Variants in UBTD1 observed in about 807,000 individuals in gnomAD.
UBTD1 encodes ubiquitin domain-containing protein 1.
UBTD1 carries 19 observed loss-of-function variants against 21.7 expected under a neutral mutation model. That is an observed-to-expected ratio of 0.87 (90% CI 0.61 to 1.28). UBTD1 has a LOEUF of 1.28. Ranked by LOEUF, UBTD1 falls within the 50% of genes most tolerant of loss-of-function variation. The pLI is 0.00. For synonymous variants in UBTD1, 116 were observed against 135.1 expected (o/e 0.86, Z 0.98); for missense variants, 282 against 315.1 (o/e 0.89, Z 0.80).
chr10:97,531,839 G>A (rs2040533690), intron 1 of UBTD1, among the ~76,000 whole-genome samples: 1 of 152,198 alleles, frequency 6.6e-6, no homozygotes, highest in Non-Finnish European at 1.5e-5. Flanking sequence ...GGTGAGGGCG[G>A]AGCATGAGGA....
intron 1 of UBTD1, among the ~76,000 whole-genome samples, chr10:97,530,504 G>A (rs1461618079): frequency 6.6e-6 from 1 of 152,214 alleles, no homozygotes; most frequent in African/African-American, 2.4e-5. Flanking sequence ...ATATTTATTA[G>A]ATGATTCTGT....
At chr10:97,533,922 CAA>C (rs1162758439) in intron 1 of UBTD1, among the ~76,000 whole-genome samples, 44 of 109,896 alleles carry the variant, frequency 4.0e-4, no homozygotes, top group African/African-American at 5.2e-4. Flanking sequence ...GACTCCATCT[CAA>C]AAAAAAAAAA....
Position 97,570,486 on chromosome 10 carries a change from A to G in UBTD1, c.647A>G (p.Gln216Arg). 1 of 1,610,680 alleles carries G rather than the reference A, an allele frequency of 6.2e-7. No individual in the cohort carries two copies. The highest frequency in any genetic ancestry group is 8.5e-7 in the Non-Finnish European group (1 of 1,178,116). The change falls in exon 3 of 3, where the codon CAG becomes CGG. Residue 216 changes from glutamine to arginine, a missense_variant. Coordinates refer to ENST00000370664, the MANE Select transcript of UBTD1 (RefSeq NM_024954.5). This position sits in a 1 kb window ranked among gnomAD's most constrained non-coding sequence, Gnocchi z 6.6. ...ETKIQKDFVI[Q>R]VIINQPPPPQ... ...AAGATCCAGAAAGATTTTGTCATCC[A>G]GGTCATCATCAACCAGCCCCCACCA...
At chr10:97,508,465 A>T (rs767326646) in intron 1 of UBTD1, among the ~76,000 whole-genome samples, 1 of 152,188 alleles carries the variant, frequency 6.6e-6, no homozygotes, top group Non-Finnish European at 1.5e-5. Context: ...GATGGCCAGG[A>T]AAATGAATGG....
intron 1 of UBTD1, among the ~76,000 whole-genome samples, chr10:97,520,266 T>C (rs538051304): frequency 1.8e-4 from 27 of 152,276 alleles, no homozygotes; most frequent in African/African-American, 5.3e-4. Context: ...CAAACCCTCA[T>C]GGGGCTCTGG....
At chr10:97,543,458 A>T (rs934356107) in intron 1 of UBTD1, among the ~76,000 whole-genome samples, 2 of 152,230 alleles carry the variant, frequency 1.3e-5, no homozygotes, top group African/African-American at 4.8e-5. Flanking sequence ...AGCCTTGAAA[A>T]GATGGGGTTC....
Position 97,570,797 on chromosome 10 carries a change from G to C in UBTD1, c.*274G>C. The stretch of plus-strand genomic sequence containing the variant: ...CTCCCGAAGCAGGTTCGAGCCACAA[G>C]GGCCAACCAGGAGGCCCCTGGAGCC... On this transcript the variant is annotated 3_prime_UTR_variant, in exon 3 of 3. Transcript: ENST00000370664. The surrounding 1 kb of genome is among the most constrained non-coding windows in gnomAD (Gnocchi z 6.6). The C allele has an allele frequency of 2.3e-6, 1 of 435,246 alleles. No homozygotes were observed. The highest frequency in any genetic ancestry group is 4.2e-6 in the Non-Finnish European group (1 of 239,958). The allele number at this position is 435,246 out of a possible 1,614,324, so 27.0% of individuals were successfully genotyped here.
chr10:97,528,326 C>T (rs1371412903), intron 1 of UBTD1, among the ~76,000 whole-genome samples: 6 of 135,946 alleles, frequency 4.4e-5, no homozygotes, highest in South Asian at 2.3e-4. Context: ...CCCTCCCGGA[C>T]GGGGCGGCTC....
Position 97,499,020 on chromosome 10 carries a change from C to T in UBTD1, c.-184C>T. On this transcript the variant is annotated 5_prime_UTR_variant, in exon 1 of 3. Transcript: ENST00000370664. ...GACCGTGCTGGGGAGTCTGCCACTT[C>T]CCTCTCTCCCCTGGCCCGCAAAGTT... The T allele has an allele frequency of 4.7e-6, 3 of 642,860 alleles. No homozygotes were observed. The highest frequency in any genetic ancestry group is 7.6e-6 in the Non-Finnish European group (3 of 397,054). The allele number at this position is 642,860 out of a possible 1,614,324, so 39.8% of individuals were successfully genotyped here.
chr10:97,547,113 C>T (rs920312274), intron 1 of UBTD1, among the ~76,000 whole-genome samples: 20 of 152,336 alleles, frequency 1.3e-4, no homozygotes, highest in African/African-American at 3.6e-4. Context: ...TCTGAGCGCT[C>T]GTGGCAGTTG....
intron 1 of UBTD1, among the ~76,000 whole-genome samples, chr10:97,501,156 T>G (rs942679091): frequency 6.6e-6 from 1 of 152,194 alleles, no homozygotes; most frequent in African/African-American, 2.4e-5. Flanking sequence ...AAGTCAACCC[T>G]TGTCTCAGGC....
At chr10:97,543,982 G>A (rs1031230278) in intron 1 of UBTD1, among the ~76,000 whole-genome samples, 2 of 151,986 alleles carry the variant, frequency 1.3e-5, no homozygotes, top group Non-Finnish European at 2.9e-5. Context: ...GGGTGAGACG[G>A]TAAAGAATCT....
At chr10:97,512,709 C>G (rs997429209) in intron 1 of UBTD1, among the ~76,000 whole-genome samples, 1 of 152,198 alleles carries the variant, frequency 6.6e-6, no homozygotes, top group Non-Finnish European at 1.5e-5. Context: ...ATGGAAGATT[C>G]AGGGCCTAGA....
Position 97,570,635 on chromosome 10 carries a change from G to C in UBTD1, c.*112G>C, listed in dbSNP as rs2040743201. 7.3e-7 allele frequency: 1 copy of C among 1,362,950 alleles called. No homozygotes were observed. Among genetic ancestry groups the C allele is most frequent in the African/African-American group, 1.5e-5 (1 of 68,802 alleles). 84.4% of individuals were successfully genotyped at this position (1,362,950 alleles called of 1,614,324 possible). ...AGGGGCCCTCCCCTCGGTGTGGCTG[G>C]TGGGTGAGCCGTGAAGGGACCCTGC... On this transcript the variant is annotated 3_prime_UTR_variant, in exon 3 of 3. Transcript: ENST00000370664. The surrounding 1 kb of genome is among the most constrained non-coding windows in gnomAD (Gnocchi z 6.6).
chr10:97,561,187 G>T (rs974912785), intron 1 of UBTD1, among the ~76,000 whole-genome samples: 1 of 152,068 alleles, frequency 6.6e-6, no homozygotes, highest in Non-Finnish European at 1.5e-5. Context: ...TTTCCTACCC[G>T]GGAGCGCTCT....
At chr10:97,522,469 C>A (rs896392280) in intron 1 of UBTD1, among the ~76,000 whole-genome samples, 14 of 152,154 alleles carry the variant, frequency 9.2e-5, no homozygotes, top group South Asian at 2.1e-4. Context: ...TAAAGTTTTC[C>A]TGTTATAGCT....
chr10:97,540,381 C>T (rs1181299036), intron 1 of UBTD1, among the ~76,000 whole-genome samples: 1 of 152,238 alleles, frequency 6.6e-6, no homozygotes, highest in Non-Finnish European at 1.5e-5. Flanking sequence ...AGTCCCCTGA[C>T]ACTCAGGAGA....
chr10:97,532,923 A>C (rs2040540028), intron 1 of UBTD1, among the ~76,000 whole-genome samples: 1 of 152,150 alleles, frequency 6.6e-6, no homozygotes, highest in African/African-American at 2.4e-5. Context: ...GGCAGCCTGG[A>C]GTCTGGCGCA....
At chr10:97,518,511 T>TCG (rs2040454090) in intron 1 of UBTD1, among the ~76,000 whole-genome samples, 1 of 152,214 alleles carries the variant, frequency 6.6e-6, no homozygotes, top group East Asian at 1.9e-4. Flanking sequence ...TCCAGCCCGT[T>TCG]TGGCTATTTC....
Sources: allele counts gnomAD v4.1 joint callset (sites outside exome capture counted in the v4.1 genomes callset), GRCh38; gene constraint gnomAD v4.1.1; non-coding constraint Gnocchi (gnomAD v3.1); transcripts MANE v1.5; gene names NCBI Gene and HGNC (gene_info 2026-07-23, HGNC 2026-07-21).